Variants in PLCB4 observed in about 807,000 individuals in gnomAD.
The protein encoded by PLCB4 is 1-phosphatidylinositol 4,5-bisphosphate phosphodiesterase beta-4.
In PLCB4, 77 loss-of-function variants were observed where a neutral mutation model predicts 178.8. That is an observed-to-expected ratio of 0.43 (90% CI 0.36 to 0.52). The LOEUF (loss-of-function observed/expected upper bound fraction) is 0.52. PLCB4 is among the 20% of genes least tolerant of loss of function. The pLI is 0.00. For synonymous variants in PLCB4, 496 were observed against 490.8 expected, an observed-to-expected ratio of 1.01 and a Z score of -0.14; for missense variants, 1,024 against 1,453.4, an observed-to-expected ratio of 0.70 and a Z score of 4.80.
At chr20:9,160,419 C>T (rs2092867853) in intron 2 of PLCB4, among the ~76,000 whole-genome samples, 1 of 152,120 alleles carries the variant, frequency 6.6e-6, no homozygotes, top group Non-Finnish European at 1.5e-5. Flanking sequence ...GGTGGGCACT[C>T]AGTAGATACG....
At chr20:9,137,224 G>A (rs969047355) in intron 2 of PLCB4, among the ~76,000 whole-genome samples, 3 of 152,006 alleles carry the variant, frequency 2.0e-5, no homozygotes, top group Non-Finnish European at 2.9e-5. Context: ...CTCCCTTGTT[G>A]CCCCGTTTGA....
chr20:9,408,464 A>G (rs2039616046), intron 22 of PLCB4, among the ~76,000 whole-genome samples, 169 bp from the exon 23 acceptor site: 1 of 112,878 alleles, frequency 8.9e-6, no homozygotes. Flanking sequence ...GAAAAGACAG[A>G]TGTCTCCATC....
At chr20:9,193,086 A>G (rs78517125) in intron 2 of PLCB4, among the ~76,000 whole-genome samples, 1 of 152,176 alleles carries the variant, frequency 6.6e-6, no homozygotes, top group Non-Finnish European at 1.5e-5. Context: ...CTCATCATTC[A>G]ACAAATATTT....
upstream of PLCB4, chr20:9,068,823 GC>G (rs2089407430): frequency 6.6e-6 from 1 of 150,804 alleles, no homozygotes; most frequent in Non-Finnish European, 1.5e-5. Flanking sequence ...GACGCGCAGG[GC>G]CCGGCGGTGG....
chr20:9,148,403 C>T (rs1008017749), intron 2 of PLCB4, among the ~76,000 whole-genome samples: 2 of 152,088 alleles, frequency 1.3e-5, no homozygotes, highest in Non-Finnish European at 2.9e-5. Flanking sequence ...AGTAGTCATG[C>T]CTTGTTAGAT....
rs150133174 is a variant in PLCB4, at chr20:9,182,768, G to T, written c.-78-34622G>T. Among the ~76,000 whole-genome samples, 305 of 152,290 alleles carry T rather than the reference G, an allele frequency of 2.0e-3. 3 individuals are homozygous for T. Among genetic ancestry groups the T allele is most frequent in the African/African-American group, 7.0e-3 (289 of 41,564 alleles). The stretch of plus-strand genomic sequence containing the variant: ...TGGCCCTCTGCCGACAGGCTAAGGG[G>T]CTTCCTGGTGTAGCTCTCCCTTCTC... On this transcript the variant is annotated intron_variant, in intron 2 of 39. Transcript: ENST00000378473.
Position 9,394,190 on chromosome 20 carries a change from A to G in PLCB4, c.1414+512A>G, listed in dbSNP as rs185649976. 1.8e-3 allele frequency among the ~76,000 whole-genome samples: 269 copies of G among 152,248 alleles called. 1 individual carries two copies. The highest frequency in any genetic ancestry group is 3.5e-3 in the Admixed American group (54 of 15,294). On this transcript the variant is annotated intron_variant, in intron 18 of 39. Transcript: ENST00000378473. ...CCTTGAAAATATTTTCTTTCAGAGT[A>G]TATCCTAGTTCAGTGAATTAATGGT...
At chr20:9,163,993 G>A (rs1187523207) in intron 2 of PLCB4, among the ~76,000 whole-genome samples, 1 of 152,168 alleles carries the variant, frequency 6.6e-6, no homozygotes, top group Non-Finnish European at 1.5e-5. Context: ...CCAAAAAAGT[G>A]ATTATAGGCA....
chr20:9,082,888 A>G (rs2090221740), intron 1 of PLCB4, among the ~76,000 whole-genome samples: 1 of 152,190 alleles, frequency 6.6e-6, no homozygotes, highest in Non-Finnish European at 1.5e-5. Flanking sequence ...TGATTTGGGT[A>G]TTAACACATA....
At chr20:9,074,975 T>C (rs2089777760) in intron 1 of PLCB4, among the ~76,000 whole-genome samples, 1 of 152,166 alleles carries the variant, frequency 6.6e-6, no homozygotes, top group Non-Finnish European at 1.5e-5. Flanking sequence ...AGTACTCAAC[T>C]TCTCTGCTTT....
chr20:9,352,195 G>A (rs184290884), intron 7 of PLCB4, among the ~76,000 whole-genome samples: 1 of 152,320 alleles, frequency 6.6e-6, no homozygotes, highest in East Asian at 1.9e-4. Flanking sequence ...TAGGAATGTA[G>A]TTGGTCTGTG....
intron 7 of PLCB4, among the ~76,000 whole-genome samples, chr20:9,339,624 T>A (rs1428062964): frequency 1.3e-5 from 2 of 152,200 alleles, no homozygotes; most frequent in African/African-American, 4.8e-5. Flanking sequence ...ATTAGTGACA[T>A]ATTTTACATT....
At chr20:9,251,461 A>G (rs575736967) in intron 3 of PLCB4, among the ~76,000 whole-genome samples, 1 of 152,322 alleles carries the variant, frequency 6.6e-6, no homozygotes, top group East Asian at 1.9e-4. Context: ...AGAAATACTG[A>G]GGTGAAGCGT....
At chr20:9,351,673 T>C (rs2034360077) in intron 7 of PLCB4, among the ~76,000 whole-genome samples, 1 of 152,150 alleles carries the variant, frequency 6.6e-6, no homozygotes, top group East Asian at 1.9e-4. Context: ...TAGTAGCTCT[T>C]ATATTGAAAG....
chr20:9,447,795 C>T (rs2042506094), intron 32 of PLCB4, among the ~76,000 whole-genome samples: 1 of 152,192 alleles, frequency 6.6e-6, no homozygotes, highest in African/African-American at 2.4e-5. Flanking sequence ...GACTTGTAAC[C>T]ACTATACTCA....
At chr20:9,083,569 T>G (rs975468202) in intron 1 of PLCB4, among the ~76,000 whole-genome samples, 3 of 152,214 alleles carry the variant, frequency 2.0e-5, no homozygotes, top group Non-Finnish European at 2.9e-5. Flanking sequence ...CATTGTGCCC[T>G]GGGCCTTCAG....
At chr20:9,170,317 T>A (rs1164123301) in intron 2 of PLCB4, among the ~76,000 whole-genome samples, 1 of 152,244 alleles carries the variant, frequency 6.6e-6, no homozygotes, top group Non-Finnish European at 1.5e-5. Flanking sequence ...TTGTTAGGAC[T>A]AATTTATTTC....
intron 3 of PLCB4, among the ~76,000 whole-genome samples, chr20:9,251,730 GCAATAATAAAGA>G (rs2094182979): frequency 7.5e-6 from 1 of 133,076 alleles, no homozygotes; most frequent in Non-Finnish European, 1.7e-5. Context: ...TAAATGACTG[GCAATAATAAAGA>G]CCTCAATTCC....
At chr20:9,163,084 C>T (rs557569066) in intron 2 of PLCB4, among the ~76,000 whole-genome samples, 72 of 152,200 alleles carry the variant, frequency 4.7e-4, no homozygotes, top group African/African-American at 1.6e-3. Flanking sequence ...CTGGCTCAGC[C>T]ACTGATTTTA....
Sources: allele counts gnomAD v4.1 joint callset (sites outside exome capture counted in the v4.1 genomes callset), GRCh38; gene constraint gnomAD v4.1.1; transcripts MANE v1.5; gene names NCBI Gene and HGNC (gene_info 2026-07-23, HGNC 2026-07-21).